The following ATP13A4 variants were observed in gnomAD, a reference collection of about 807,000 sequenced individuals.
ATP13A4 encodes probable cation-transporting ATPase 13A4.
In ATP13A4, 114 loss-of-function variants were observed where a neutral mutation model predicts 142.5. The observed-to-expected ratio is 0.80, with a 90% CI of 0.69 to 0.93. The LOEUF is 0.93. Among genes scored for constraint, ATP13A4 ranks in the 40% least tolerant of loss-of-function variants. ATP13A4 has a pLI of 0.00. For missense variants in ATP13A4, 1,392 were observed against 1,454.0 expected (o/e 0.96, Z 0.69); for synonymous variants, 488 against 514.8 (o/e 0.95, Z 0.70).
chr3:193,458,029 A>C (rs1717737690), intron 14 of ATP13A4, among the ~76,000 whole-genome samples: 1 of 152,242 alleles, frequency 6.6e-6, no homozygotes, highest in Non-Finnish European at 1.5e-5. Context: ...AGTGGCTGAC[A>C]AGGTCCCAGA....
chr3:193,539,696 A>T (rs1464037274), intron 1 of ATP13A4, among the ~76,000 whole-genome samples: 4 of 152,056 alleles, frequency 2.6e-5, no homozygotes, highest in African/African-American at 9.7e-5. Context: ...AACACAACAG[A>T]AACAGTTAGT....
intron 2 of ATP13A4, among the ~76,000 whole-genome samples, chr3:193,575,817 T>C (rs1212702921): frequency 1.3e-5 from 2 of 152,220 alleles, no homozygotes; most frequent in Non-Finnish European, 2.9e-5. Context: ...GTTCCACTCA[T>C]AGGTTGACTT....
In ATP13A4 at chr3:193,582,585, A is replaced by ATATATTATATATGTATATTACATG. The variant is rs1553863162; in HGVS notation, n.92-703_92-680dup. On this transcript the variant is annotated intron_variant and non_coding_transcript_variant, in intron 1 of 3. Transcript: ENST00000489140. ...ATATAATACATATAATATATATTAC[A>ATATATTATATATGTATATTACATG]TATATTATATATGTATATTACATGT... is the stretch of plus-strand genomic sequence containing the variant. 9.0e-3 allele frequency among the ~76,000 whole-genome samples: 1,116 copies of ATATATTATATATGTATATTACATG among 124,448 alleles called. 31 individuals carry two copies. Among genetic ancestry groups the ATATATTATATATGTATATTACATG allele is most frequent in the African/African-American group, 0.012 (381 of 31,560 alleles). The allele number at this position is 124,448 out of a possible 152,430, so 81.6% of individuals were successfully genotyped here.
At chr3:193,487,463 G>C (rs973406819) in intron 7 of ATP13A4, among the ~76,000 whole-genome samples, 2 of 152,140 alleles carry the variant, frequency 1.3e-5, no homozygotes, top group African/African-American at 4.8e-5. Flanking sequence ...ACTGTTGTAA[G>C]GAATGTAAAC....
intron 2 of ATP13A4, among the ~76,000 whole-genome samples, chr3:193,573,187 T>C (rs1352970835): frequency 6.7e-6 from 1 of 148,582 alleles, no homozygotes; most frequent in East Asian, 2.0e-4. Flanking sequence ...TGACCAAAAC[T>C]TTAAGAAATA....
At position 193,493,005 on chromosome 3, in the gene ATP13A4, A is replaced by G. The variant is rs761677254; in HGVS notation, c.453-8T>C. On this transcript the variant is annotated splice_polypyrimidine_tract_variant and splice_region_variant and intron_variant, in intron 4 of 29. Coordinates refer to ENST00000342695, the MANE Select transcript of ATP13A4 (RefSeq NM_032279.4). Reference sequence around the variant, plus strand: ...AGCCAGTCTTCCAAAGAACTAAAATAATAATAATGAAAAGAACATATTTAG... The same window carrying G: ...AGCCAGTCTTCCAAAGAACTAAAATGATAATAATGAAAAGAACATATTTAG... 9 of 1,605,898 alleles carry G rather than the reference A, an allele frequency of 5.6e-6. No individual in the cohort carries two copies. The South Asian group carries it at 8.8e-5, about 16-fold the overall frequency.
chr3:193,532,709 C>A (rs1001972841), intron 1 of ATP13A4, among the ~76,000 whole-genome samples: 1 of 151,976 alleles, frequency 6.6e-6, no homozygotes, highest in Non-Finnish European at 1.5e-5. Context: ...TTCTAGGAGT[C>A]TATCTTAAGG....
chr3:193,534,160 A>G (rs373781010), intron 1 of ATP13A4, among the ~76,000 whole-genome samples: 43 of 152,324 alleles, frequency 2.8e-4, no homozygotes, highest in African/African-American at 8.9e-4. Context: ...TCAAATATCA[A>G]TGGAGGTTGA....
At chr3:193,546,196 C>T (rs914826211) in intron 1 of ATP13A4, among the ~76,000 whole-genome samples, 1 of 152,078 alleles carries the variant, frequency 6.6e-6, no homozygotes, top group Non-Finnish European at 1.5e-5. Flanking sequence ...TTGGCCCTCC[C>T]TTAGGAAACC....
intron 1 of ATP13A4, among the ~76,000 whole-genome samples, chr3:193,522,398 T>C (rs1721772875): frequency 6.6e-6 from 1 of 152,234 alleles, no homozygotes; most frequent in South Asian, 2.1e-4. Context: ...TATTTTGTCA[T>C]CTGCTGCTTT....
upstream of ATP13A4, chr3:193,554,939 C>G (rs1723824876): frequency 1.9e-6 from 3 of 1,594,334 alleles, no homozygotes; most frequent in Non-Finnish European, 2.6e-6. Context: ...TCCTTGAGCA[C>G]ACACCTTCTC....
chr3:193,565,028 A>T (rs1724104122), intron 2 of ATP13A4, among the ~76,000 whole-genome samples: 1 of 152,340 alleles, frequency 6.6e-6, no homozygotes, highest in South Asian at 2.1e-4. Context: ...AAACAAGCTC[A>T]GGGCTCCCAC....
intron 25 of ATP13A4, among the ~76,000 whole-genome samples, chr3:193,419,601 C>G (rs1326502833): frequency 6.8e-6 from 1 of 147,254 alleles, no homozygotes; most frequent in East Asian, 2.2e-4. Flanking sequence ...AAGCAGTGCA[C>G]TGCCTCCCAA....
chr3:193,555,420 C>CA (rs979515789), upstream of ATP13A4, among the ~76,000 whole-genome samples: 3 of 151,620 alleles, frequency 2.0e-5, no homozygotes, highest in African/African-American at 7.3e-5. Context: ...CTTGTATATG[C>CA]AAAAAAAATT....
intron 28 of ATP13A4, among the ~76,000 whole-genome samples, chr3:193,410,358 A>T (rs1006610854): frequency 1.3e-5 from 2 of 152,202 alleles, no homozygotes; most frequent in East Asian, 3.8e-4. Context: ...TTAGGAAAAA[A>T]TTCTCTCATA....
intron 16 of ATP13A4, among the ~76,000 whole-genome samples, chr3:193,455,559 G>C (rs1447508369): frequency 6.6e-6 from 1 of 152,142 alleles, no homozygotes; most frequent in African/African-American, 2.4e-5. Context: ...GTTGTAGAGA[G>C]AAAGAAGTGC....
intron 2 of ATP13A4, among the ~76,000 whole-genome samples, chr3:193,505,842 T>C (rs1720834305): frequency 6.6e-6 from 1 of 152,216 alleles, no homozygotes; most frequent in Admixed American, 6.5e-5. Context: ...GGTTGTCCAA[T>C]ATGGCAAGAG....
At chr3:193,418,664 C>T (rs1188469947) in intron 25 of ATP13A4, among the ~76,000 whole-genome samples, 2 of 149,946 alleles carry the variant, frequency 1.3e-5, no homozygotes, top group African/African-American at 4.9e-5. Context: ...ACACCCTGGA[C>T]ACCTACAGTC....
At chr3:193,477,244 CTT>C (rs1719019262) in intron 8 of ATP13A4, among the ~76,000 whole-genome samples, 1 of 151,946 alleles carries the variant, frequency 6.6e-6, no homozygotes, top group South Asian at 2.1e-4. Flanking sequence ...TAAAAAGACT[CTT>C]TATATTTTAG....
Sources: gnomAD v4.1 joint callset for allele counts (sites outside exome capture counted in the v4.1 genomes callset) on GRCh38, gnomAD v4.1.1 for gene constraint, MANE v1.5 for transcripts, NCBI Gene and HGNC (gene_info 2026-07-23, HGNC 2026-07-21) for gene names.